Variants in THSD7A observed in about 807,000 individuals in gnomAD.
The protein encoded by THSD7A is thrombospondin type-1 domain-containing protein 7A.
Under a neutral mutation model 231.3 loss-of-function variants are expected in THSD7A, and 96 were observed. That is an observed-to-expected ratio of 0.41 (90% CI 0.35 to 0.49). The LOEUF is 0.49. THSD7A is among the 20% of genes least tolerant of loss of function. The pLI is 0.05. For synonymous variants in THSD7A, 940 were observed against 743.3 expected (o/e 1.26, Z -4.30); for missense variants, 2,290 against 2,070.2 (o/e 1.11, Z -2.06).
chr7:11,702,773 T>C (rs2128145378), intron 1 of THSD7A, among the ~76,000 whole-genome samples: 1 of 151,318 alleles, frequency 6.6e-6, no homozygotes, highest in South Asian at 2.1e-4. Flanking sequence ...TACCTATCTT[T>C]GTGAGTATCA....
At chr7:11,733,222 C>T (rs1167378260) in intron 1 of THSD7A, among the ~76,000 whole-genome samples, 2 of 151,794 alleles carry the variant, frequency 1.3e-5, no homozygotes, top group Non-Finnish European at 2.9e-5. Flanking sequence ...ATGAGTCTTA[C>T]ATACTCATGG....
intron 1 of THSD7A, among the ~76,000 whole-genome samples, chr7:11,704,778 A>C (rs1160570083): frequency 6.6e-6 from 1 of 151,014 alleles, no homozygotes; most frequent in Non-Finnish European, 1.5e-5. Context: ...TGACAAGAAA[A>C]AGTTAAGAAA....
At chr7:11,620,943 C>A (rs958783910) in intron 2 of THSD7A, among the ~76,000 whole-genome samples, 1 of 152,196 alleles carries the variant, frequency 6.6e-6, no homozygotes, top group African/African-American at 2.4e-5. Flanking sequence ...TTATTCTCAG[C>A]TTCACGTGTT....
intron 1 of THSD7A, among the ~76,000 whole-genome samples, chr7:11,653,557 G>A (rs751155009): frequency 6.7e-6 from 1 of 150,322 alleles, no homozygotes; most frequent in Non-Finnish European, 1.5e-5. Context: ...AGTATTCACA[G>A]GTGCAATCAT....
At chr7:11,613,351 G>C (rs145879175) in intron 2 of THSD7A, among the ~76,000 whole-genome samples, 45 of 152,324 alleles carry the variant, frequency 3.0e-4, no homozygotes, top group Non-Finnish European at 4.6e-4. Context: ...AGCCCTGGGT[G>C]AATCTCAGAG....
At position 11,498,030 on chromosome 7, in the gene THSD7A, C is replaced by T. The variant is rs558667931; in HGVS notation, c.1823-16048G>A. ...CTATGTGGAGTCTTGGCAGAGCAGC[C>T]GCTCAGGCATGTGTGAAGACCCTGG... is the stretch of plus-strand genomic sequence containing the variant. On this transcript the variant is annotated intron_variant, in intron 6 of 27. Transcript: ENST00000423059. 1.1e-4 allele frequency among the ~76,000 whole-genome samples: 16 copies of T among 152,256 alleles called. No homozygotes were observed. In the East Asian group the frequency reaches 2.1e-3, roughly 20 times the overall value.
At chr7:11,513,092 G>T (rs1787887023) in intron 6 of THSD7A, among the ~76,000 whole-genome samples, 1 of 151,476 alleles carries the variant, frequency 6.6e-6, no homozygotes, top group Non-Finnish European at 1.5e-5. Context: ...CTCACTAATA[G>T]GTGGGAGCTG....
chr7:11,684,013 C>T (rs1447512541), intron 1 of THSD7A, among the ~76,000 whole-genome samples: 1 of 151,878 alleles, frequency 6.6e-6, no homozygotes, highest in Admixed American at 6.6e-5. Context: ...TCTGGCAACA[C>T]AACAACAAAA....
chr7:11,408,626 A>T (rs1278568341), intron 19 of THSD7A, among the ~76,000 whole-genome samples: 1 of 152,206 alleles, frequency 6.6e-6, no homozygotes, highest in Non-Finnish European at 1.5e-5. Context: ...TTCTGCATGA[A>T]AGAGAAGTTT....
chr7:11,395,822 G>A (rs1209147716), intron 23 of THSD7A, among the ~76,000 whole-genome samples: 8 of 151,998 alleles, frequency 5.3e-5, no homozygotes, highest in South Asian at 2.1e-4. Flanking sequence ...CACCGTGCCC[G>A]GCCCAGAATA....
chr7:11,533,057 G>C (rs1467927550), intron 6 of THSD7A, among the ~76,000 whole-genome samples: 1 of 152,152 alleles, frequency 6.6e-6, no homozygotes, highest in African/African-American at 2.4e-5. Flanking sequence ...AAAATAAAAA[G>C]AAGGTTGTGT....
chr7:11,591,661 T>A (rs930668397), intron 3 of THSD7A, among the ~76,000 whole-genome samples: 1 of 152,174 alleles, frequency 6.6e-6, no homozygotes, highest in Non-Finnish European at 1.5e-5. Context: ...TAAGTGGGGA[T>A]TTGTTGCTTA....
At chr7:11,743,150 T>C (rs1782167648) in intron 1 of THSD7A, among the ~76,000 whole-genome samples, 1 of 151,930 alleles carries the variant, frequency 6.6e-6, no homozygotes, top group African/African-American at 2.4e-5. Context: ...CTCATTAACA[T>C]TTACGAACAC....
intron 1 of THSD7A, among the ~76,000 whole-genome samples, chr7:11,779,221 C>T (rs916141930): frequency 1.3e-5 from 2 of 152,056 alleles, no homozygotes; most frequent in African/African-American, 4.8e-5. Flanking sequence ...CTATAATGTG[C>T]CACCAGGAAG....
At chr7:11,741,507 T>C (rs1001786703) in intron 1 of THSD7A, among the ~76,000 whole-genome samples, 2 of 151,890 alleles carry the variant, frequency 1.3e-5, no homozygotes, top group African/African-American at 2.4e-5. Flanking sequence ...GGAAATAAAC[T>C]CACGAGTGGT....
chr7:11,428,918 A>G (rs1337422167), intron 14 of THSD7A, 29 bp downstream of exon 14: 1 of 1,587,156 alleles, frequency 6.3e-7, no homozygotes, highest in Non-Finnish European at 8.5e-7. Context: ...TCTCAACAAT[A>G]TCTTAACACT....
chr7:11,814,807 T>C lies in THSD7A; in HGVS notation c.190+16950A>G, dbSNP rs1279655031. On this transcript the variant is annotated intron_variant, in intron 1 of 27. Transcript: ENST00000423059. The surrounding 1 kb of genome is among the most constrained non-coding windows in gnomAD (Gnocchi z 5.1). ...TTTGATGACTCTCCCATTAGAGGTA[T>C]GTAGTCACCACAGCAAACTCTCAAA... Among the ~76,000 whole-genome samples the C allele has an allele frequency of 6.6e-6, 1 of 152,172 alleles. No individual in the cohort carries two copies. Among genetic ancestry groups the C allele is most frequent in the Non-Finnish European group, 1.5e-5 (1 of 68,036 alleles).
chr7:11,829,582 A>C (rs1355709229), intron 1 of THSD7A, among the ~76,000 whole-genome samples: 1 of 152,104 alleles, frequency 6.6e-6, no homozygotes, highest in African/African-American at 2.4e-5. Flanking sequence ...ACCAAGACCA[A>C]GCTTACCCCA....
rs1781934921 is a variant in THSD7A at position 11,637,966 on chromosome 7, G to C, written c.191-1005C>G. Among the ~76,000 whole-genome samples the C allele has an allele frequency of 6.6e-6, 1 of 150,868 alleles. No individual in the cohort carries two copies. Among genetic ancestry groups the C allele is most frequent in the African/African-American group, 2.4e-5 (1 of 41,172 alleles). On this transcript the variant is annotated intron_variant, in intron 1 of 27. Coordinates refer to ENST00000423059, the MANE Select transcript of THSD7A (RefSeq NM_015204.3). The surrounding 1 kb of genome is among the most constrained non-coding windows in gnomAD (Gnocchi z 4.2). ...CATGTAAGTACATGATTTTCAAAAA[G>C]TATTCCATGAATTTGAGAAATTGTT...
Sources: allele counts gnomAD v4.1 joint callset (sites outside exome capture counted in the v4.1 genomes callset), GRCh38; gene constraint gnomAD v4.1.1; non-coding constraint Gnocchi (gnomAD v3.1); transcripts MANE v1.5; gene names NCBI Gene and HGNC (gene_info 2026-07-23, HGNC 2026-07-21).